Variants in DIDO1 observed in about 807,000 individuals in gnomAD.
DIDO1 encodes the protein death inducer-obliterator 1, also known as death-inducer obliterator 1.
Under a neutral mutation model 99.4 loss-of-function variants are expected in DIDO1, and 16 were observed. The ratio of observed to expected loss-of-function variants is 0.16; its 90% CI spans 0.11 to 0.24. The LOEUF is 0.24. Ranked by LOEUF, DIDO1 falls within the 10% of genes least tolerant of loss-of-function variation. The probability of loss-of-function intolerance (pLI) is 1.00; values close to 1 mark genes in which losing one functional copy is unlikely to be tolerated. For synonymous variants in DIDO1, 1,366 were observed against 1,239.1 expected (o/e 1.10, Z -2.15); for missense variants, 2,996 against 3,014.0 (o/e 0.99, Z 0.14).
At chr20:62,931,300 ACTCCTT>A (rs1183973589), upstream of DIDO1, among the ~76,000 whole-genome samples, 1 of 151,832 alleles carries the variant, frequency 6.6e-6, no homozygotes, top group African/African-American at 2.4e-5. Context: ...CATGCTCATC[ACTCCTT>A]CCTCTGAGAA....
Position 62,896,811 on chromosome 20 carries a change from C to T in DIDO1, c.1774G>A (p.Gly592Ser). Residue 592 changes from glycine to serine, a missense_variant, in exon 7 of 16, where the codon GGC becomes AGC. Coordinates refer to ENST00000395343, the MANE Select transcript of DIDO1 (RefSeq NM_001193369.2). This position sits in a 1 kb window ranked among gnomAD's most constrained non-coding sequence, Gnocchi z 4.4. The part of the protein sequence containing the change: ...AIKKPPSGFK[G>S]TIPKRPWLSA... ...AGCCATGGCCTCTTGGGGATGGTGC[C>T]CTTGAAACCTGAGGGTGGCTTTTTA... 1 of 1,614,144 alleles carries T rather than the reference C, an allele frequency of 6.2e-7. No homozygotes were observed. Among genetic ancestry groups the T allele is most frequent in the Non-Finnish European group, 8.5e-7 (1 of 1,180,042 alleles).
chr20:62,878,510 C>G lies in DIDO1; in HGVS notation c.*723G>C, dbSNP rs993055704. On this transcript the variant is annotated 3_prime_UTR_variant, in exon 16 of 16. Transcript: ENST00000395343. Reference sequence around the variant, plus strand: ...CAAATCAAGGACTCCTCCCTGCCCCCAAAGTACACTTAATTGGTTTGTTAC... The same window carrying G: ...CAAATCAAGGACTCCTCCCTGCCCCGAAAGTACACTTAATTGGTTTGTTAC... 2 of 152,332 alleles carry G rather than the reference C, an allele frequency of 1.3e-5. No homozygotes were observed. Among genetic ancestry groups the G allele is most frequent in the Admixed American group, 1.3e-4 (2 of 15,308 alleles). The allele number at this position is 152,332 out of a possible 1,614,324, so 9.4% of individuals were successfully genotyped here. A position where few individuals can be genotyped will look rare whatever the true frequency, so the allele number is the denominator to read the frequency against.
At chr20:62,927,883 G>A (rs912532714), upstream of DIDO1, among the ~76,000 whole-genome samples, 1 of 152,206 alleles carries the variant, frequency 6.6e-6, no homozygotes, top group Non-Finnish European at 1.5e-5. Flanking sequence ...TCCATCTTGA[G>A]TGTGATCTCA....
chr20:62,889,485 G>T, intron 15 of DIDO1: 2 of 985,476 alleles, frequency 2.0e-6, no homozygotes, highest in Non-Finnish European at 2.4e-6. Flanking sequence ...TAAGAATCAT[G>T]TTTCTGTAAA....
At chr20:62,913,496 T>C (rs1173739182) in intron 2 of DIDO1, among the ~76,000 whole-genome samples, 1 of 152,246 alleles carries the variant, frequency 6.6e-6, no homozygotes. Flanking sequence ...CTTACAAATA[T>C]ATATGGTAGA....
At chr20:62,888,553 C>T (rs1420292909) in intron 15 of DIDO1, 2 of 985,470 alleles carry the variant, frequency 2.0e-6, no homozygotes, top group East Asian at 1.1e-4. Context: ...TCACCACCAT[C>T]AGCACCCTCA....
At chr20:62,936,486 C>T (rs2065385443) in intron 1 of DIDO1, among the ~76,000 whole-genome samples, 1 of 151,462 alleles carries the variant, frequency 6.6e-6, no homozygotes, top group Admixed American at 6.6e-5. Flanking sequence ...ACCCAGGAGG[C>T]GGAGGTTGCA....
At position 62,882,327 on chromosome 20, in the gene DIDO1, T is replaced by C. The variant is rs752808892; in HGVS notation, c.3629A>G (p.Lys1210Arg). 2.5e-6 allele frequency: 4 copies of C among 1,614,084 alleles called. No individual in the cohort carries two copies. In the South Asian group the frequency reaches 4.4e-5, roughly 18 times the overall value. Residue 1210 changes from lysine (K) to arginine (R), a missense_variant, in exon 16 of 16, where the codon AAG becomes AGG. Physicochemically the swap from Lys to Arg is conservative, Grantham distance 26 (BLOSUM62 2). This residue lies in a region of DIDO1 where 135 missense variants were observed against 202.3 expected (regional missense o/e 0.67). Transcript: ENST00000395343. ...KRPANSGELD[K>R]MDEKRTRLQP... ...AAGTCGGGTCCGCTTTTCGTCCATCTTGTCTAACTCTCCACTGTTTGCGGG... is the reference window on the plus strand; with the variant it reads ...AAGTCGGGTCCGCTTTTCGTCCATCCTGTCTAACTCTCCACTGTTTGCGGG...
At position 62,911,348 on chromosome 20, in the gene DIDO1, T is replaced by G; in HGVS notation, c.265A>C (p.Met89Leu). The G allele has an allele frequency of 6.2e-7, 1 of 1,609,406 alleles. No individual in the cohort carries two copies. The highest frequency in any genetic ancestry group is 1.7e-4 in the Middle Eastern group (1 of 6,040). The change falls in exon 3 of 16, where the codon ATG becomes CTG. Residue 89 changes from methionine to leucine, a missense_variant. This residue lies in a region of DIDO1 where 388 missense variants were observed against 376.6 expected (regional missense o/e 1.03). Transcript: ENST00000395343. The surrounding 1 kb of genome is among the most constrained non-coding windows in gnomAD (Gnocchi z 7.0). ...TIARRRGRRSMPVSLEDSGEP... is the reference protein window; with the variant it reads ...TIARRRGRRSLPVSLEDSGEP... ...CCAGAATCCTCCAGGGAGACAGGCA[T>G]GCTCCTCCTGCCGCGGCGCCGCGCA...
chr20:62,905,439 GTGATGCTTTCATGTGC>G, intron 6 of DIDO1: 1 of 1,514,162 alleles, frequency 6.6e-7, no homozygotes, highest in Non-Finnish European at 8.9e-7. Flanking sequence ...TAAAAAAGAA[GTGATGCTTTCATGTGC>G]TGGCCGTGGA....
chr20:62,881,646 GCTT>G lies in DIDO1; in HGVS notation c.4307_4309del (p.Glu1436del). ...GGGCAGGTCATCAACAGTCACTTTC[GCTT>G]CTTCTAAGATGGTCTCATCCTCGGG... On this transcript the variant is annotated inframe_deletion, in exon 16 of 16. Coordinates refer to ENST00000395343, the MANE Select transcript of DIDO1 (RefSeq NM_001193369.2). The surrounding 1 kb of genome is among the most constrained non-coding windows in gnomAD (Gnocchi z 8.3). The G allele has an allele frequency of 6.2e-7, 1 of 1,612,594 alleles. No homozygotes were observed. Among genetic ancestry groups the G allele is most frequent in the Non-Finnish European group, 8.5e-7 (1 of 1,180,020 alleles).
chr20:62,895,040 A>G lies in DIDO1; in HGVS notation c.2331+9T>C. The G allele has an allele frequency of 1.2e-6, 2 of 1,604,186 alleles. No individual in the cohort carries two copies. Among genetic ancestry groups the G allele is most frequent in the East Asian group, 2.2e-5 (1 of 44,584 alleles). On this transcript the variant is annotated intron_variant, in intron 9 of 15. Coordinates refer to ENST00000395343, the MANE Select transcript of DIDO1 (RefSeq NM_001193369.2). The stretch of plus-strand genomic sequence containing the variant: ...CTGGGTGCCTCCGCAGGTACCCCTC[A>G]GCACTCACAGATCTCGCTGGCCTCT...
At chr20:62,902,519 G>T (rs1568856958) in intron 6 of DIDO1, among the ~76,000 whole-genome samples, 3 of 152,064 alleles carry the variant, frequency 2.0e-5, no homozygotes, top group Non-Finnish European at 4.4e-5. Context: ...CTCCTCTCCC[G>T]GCTTTAAATT....
In DIDO1 at chr20:62,896,967, T is replaced by C; in HGVS notation, c.1618A>G (p.Lys540Glu). 1 of 1,613,562 alleles carries C rather than the reference T, an allele frequency of 6.2e-7. No individual in the cohort carries two copies. Reference protein sequence around the residue: ...STKEDRRSEEKAAAMAASKKT... With the variant: ...STKEDRRSEEEAAAMAASKKT... ...TTTGAGGCTGCCATGGCTGCCGCTT[T>C]CTCCTCGGACCTCCTGTCTTCCTTC... The change falls in exon 7 of 16, where the codon AAA becomes GAA. Residue 540 changes from lysine to glutamate, a missense_variant. This residue lies in a region of DIDO1 where 898 missense variants were observed against 972.7 expected (regional missense o/e 0.92). Transcript: ENST00000395343. This position sits in a 1 kb window ranked among gnomAD's most constrained non-coding sequence, Gnocchi z 4.4.
In DIDO1 at chr20:62,878,687, G is replaced by A. The variant is rs1301099604; in HGVS notation, c.*546C>T. ...TGAGCACGCTAAGAAATGTGTTTCT[G>A]TTTCCCAGTTGAAAATTGTAATTCC... is the stretch of plus-strand genomic sequence containing the variant. On this transcript the variant is annotated 3_prime_UTR_variant, in exon 16 of 16. Coordinates refer to ENST00000395343, the MANE Select transcript of DIDO1 (RefSeq NM_001193369.2). 5.3e-5 allele frequency: 8 copies of A among 152,280 alleles called. No individual in the cohort carries two copies. The highest frequency in any genetic ancestry group is 3.9e-4 in the Admixed American group (6 of 15,284). 9.4% of individuals were successfully genotyped at this position (152,280 alleles called of 1,614,324 possible).
Position 62,880,325 on chromosome 20 carries a change from T to C in DIDO1, c.5631A>G (p.Pro1877=). 3.7e-6 allele frequency: 6 copies of C among 1,612,806 alleles called. No individual in the cohort carries two copies. The South Asian group carries it at 5.5e-5, about 15-fold the overall frequency. Residue 1877 remains proline, a synonymous_variant, in exon 16 of 16, where the codon CCA becomes CCG. Transcript: ENST00000395343. ...PAQFEGTEQA[P]FLGSRGGAPF... ...GCGCGCCGCCTCTGCTTCCCAGAAA[T>C]GGGGCTTGCTCTGTCCCTTCAAACT...
Position 62,894,937 on chromosome 20 carries a change from G to A in DIDO1, c.2332-23C>T. ...CACCTGAAATGAAAAAGACGAAACAGAGCTTAGGCCTTGTTTTCTAGGAGG... is the reference window on the plus strand; with the variant it reads ...CACCTGAAATGAAAAAGACGAAACAAAGCTTAGGCCTTGTTTTCTAGGAGG... On this transcript the variant is annotated intron_variant, in intron 9 of 15. Coordinates refer to ENST00000395343, the MANE Select transcript of DIDO1 (RefSeq NM_001193369.2). The surrounding 1 kb of genome is among the most constrained non-coding windows in gnomAD (Gnocchi z 4.4). The A allele has an allele frequency of 1.9e-6, 3 of 1,608,946 alleles. No individual in the cohort carries two copies. Among genetic ancestry groups the A allele is most frequent in the Non-Finnish European group, 2.6e-6 (3 of 1,176,434 alleles).
At chr20:62,927,590 C>A (rs545018035), upstream of DIDO1, among the ~76,000 whole-genome samples, 7 of 152,248 alleles carry the variant, frequency 4.6e-5, no homozygotes, top group Admixed American at 6.5e-5. Flanking sequence ...TACCTGGAAG[C>A]ATGGACCATC....
intron 1 of DIDO1, among the ~76,000 whole-genome samples, chr20:62,932,541 T>C (rs1870094097): frequency 6.6e-6 from 1 of 152,168 alleles, no homozygotes; most frequent in East Asian, 1.9e-4. Flanking sequence ...AATGAAATAG[T>C]ACATAAACAA....
Sources: allele counts gnomAD v4.1 joint callset (sites outside exome capture counted in the v4.1 genomes callset), GRCh38; gene constraint gnomAD v4.1.1; regional missense constraint gnomAD v4.1.1; non-coding constraint Gnocchi (gnomAD v3.1); transcripts MANE v1.5; gene names NCBI Gene and HGNC (gene_info 2026-07-23, HGNC 2026-07-21).